The following CNTN4 variants were observed in gnomAD, a reference collection of about 807,000 sequenced individuals.
The protein encoded by CNTN4 is contactin-4.
In CNTN4, 77 loss-of-function variants were observed where a neutral mutation model predicts 122.5. The observed-to-expected ratio is 0.63, with a 90% confidence interval of 0.52 to 0.76. CNTN4 has a LOEUF of 0.76. CNTN4 is among the 30% of genes least tolerant of loss of function. CNTN4 has a pLI of 0.00. For synonymous variants in CNTN4, 512 were observed against 447.0 expected (o/e 1.15, Z -1.83); for missense variants, 1,256 against 1,259.1 (o/e 1.00, Z 0.04).
At chr3:2,733,152 G>A (rs2088821074) in intron 4 of CNTN4, among the ~76,000 whole-genome samples, 1 of 151,934 alleles carries the variant, frequency 6.6e-6, no homozygotes, top group East Asian at 1.9e-4. Context: ...ATTCTTATGT[G>A]GAATAACTAG....
rs568780575 is a variant in CNTN4, at chr3:2,850,051, G to A, written c.455-16701G>A. On this transcript the variant is annotated intron_variant, in intron 7 of 24. Coordinates refer to ENST00000418658, the MANE Select transcript of CNTN4 (RefSeq NM_175607.3). ...GTGGCCCAGACTGGAGTGCAGTGGT[G>A]CAATCTCAGCTCACTGCAAGCTCCA... is the stretch of plus-strand genomic sequence containing the variant. Among the ~76,000 whole-genome samples the A allele has an allele frequency of 1.9e-3, 282 of 150,104 alleles. 2 individuals are homozygous for A. The highest frequency in any genetic ancestry group is 3.4e-3 in the Non-Finnish European group (230 of 67,800).
intron 10 of CNTN4, among the ~76,000 whole-genome samples, chr3:2,888,857 G>C (rs989941068): frequency 6.6e-6 from 1 of 151,544 alleles, no homozygotes; most frequent in Non-Finnish European, 1.5e-5. Context: ...ATGTATATTC[G>C]GCCATTCCAC....
intron 3 of CNTN4, among the ~76,000 whole-genome samples, chr3:2,552,617 G>A (rs1185524859): frequency 6.6e-6 from 1 of 152,218 alleles, no homozygotes; most frequent in East Asian, 1.9e-4. Flanking sequence ...ATTATTCAGA[G>A]AAGTGGTAAC....
At chr3:2,457,854 C>G (rs1056173181) in intron 3 of CNTN4, among the ~76,000 whole-genome samples, 1 of 152,128 alleles carries the variant, frequency 6.6e-6, no homozygotes, top group African/African-American at 2.4e-5. Context: ...TGTTAACTGT[C>G]TTTCTCAGTT....
intron 2 of CNTN4, among the ~76,000 whole-genome samples, chr3:2,277,122 A>C (rs1056507440): frequency 2.6e-5 from 4 of 152,214 alleles, no homozygotes; most frequent in Admixed American, 2.0e-4. Context: ...TATGTGTTTT[A>C]GAACCCACAC....
chr3:2,107,442 A>G (rs1451248860), intron 2 of CNTN4, among the ~76,000 whole-genome samples: 2 of 152,148 alleles, frequency 1.3e-5, no homozygotes, highest in Non-Finnish European at 2.9e-5. Context: ...AGAGAGAGTG[A>G]ATGAGCAAAG....
intron 4 of CNTN4, among the ~76,000 whole-genome samples, chr3:2,695,108 C>G (rs1330267391): frequency 6.6e-6 from 1 of 152,164 alleles, no homozygotes; most frequent in East Asian, 1.9e-4. Context: ...CAAAAAGCAC[C>G]TGTCCTGGTG....
chr3:2,285,318 T>C (rs765093017), intron 2 of CNTN4, among the ~76,000 whole-genome samples: 2 of 152,098 alleles, frequency 1.3e-5, no homozygotes, highest in Non-Finnish European at 2.9e-5. Context: ...ACCAAAATAG[T>C]TTATCTGGTT....
At chr3:2,474,027 A>AT (rs1220076496) in intron 3 of CNTN4, among the ~76,000 whole-genome samples, 1 of 151,838 alleles carries the variant, frequency 6.6e-6, no homozygotes, top group Non-Finnish European at 1.5e-5. Flanking sequence ...AAAAAAAAAA[A>AT]ATATTGCCAA....
chr3:2,268,610 T>C (rs1341676466), intron 2 of CNTN4, among the ~76,000 whole-genome samples: 2 of 152,028 alleles, frequency 1.3e-5, no homozygotes, highest in Non-Finnish European at 2.9e-5. Context: ...GACTAGGTCC[T>C]AGTTAATGTG....
At chr3:2,622,695 G>T (rs746530879) in intron 4 of CNTN4, among the ~76,000 whole-genome samples, 9 of 152,168 alleles carry the variant, frequency 5.9e-5, no homozygotes, top group Non-Finnish European at 1.2e-4. Context: ...GACCTTTTGA[G>T]TTCTTCATAT....
intron 3 of CNTN4, among the ~76,000 whole-genome samples, chr3:2,453,563 G>A (rs758969502): frequency 3.9e-5 from 6 of 152,044 alleles, no homozygotes; most frequent in Non-Finnish European, 7.4e-5. Flanking sequence ...ATTCAATGCC[G>A]TGTTCATGAT....
chr3:2,705,843 A>AATATATAATAAAT (rs1186908312), intron 4 of CNTN4, among the ~76,000 whole-genome samples: 2 of 102,480 alleles, frequency 2.0e-5, no homozygotes, highest in African/African-American at 8.4e-5. Flanking sequence ...TATAATATAT[A>AATATATAATAAAT]ATATATAATA....
intron 6 of CNTN4, among the ~76,000 whole-genome samples, chr3:2,758,796 C>G (rs2149673274): frequency 6.6e-6 from 1 of 151,596 alleles, no homozygotes. Context: ...CGGGAGCCAC[C>G]TTGCACCTAG....
intron 2 of CNTN4, among the ~76,000 whole-genome samples, chr3:2,135,168 G>A (rs773255057): frequency 6.6e-6 from 1 of 152,286 alleles, no homozygotes; most frequent in Non-Finnish European, 1.5e-5. Flanking sequence ...AGGTAGGAGA[G>A]CATTAGAGAT....
intron 23 of CNTN4, among the ~76,000 whole-genome samples, chr3:3,048,524 G>A (rs1487071319): frequency 6.7e-6 from 1 of 150,320 alleles, no homozygotes; most frequent in African/African-American, 2.4e-5. Context: ...CTCTGTGTGT[G>A]TGTGTGTGTG....
intron 2 of CNTN4, among the ~76,000 whole-genome samples, chr3:2,243,562 G>A (rs2040023014): frequency 6.6e-6 from 1 of 151,934 alleles, no homozygotes; most frequent in Non-Finnish European, 1.5e-5. Context: ...TTTATGTATG[G>A]CCCAAGACAA....
intron 4 of CNTN4, among the ~76,000 whole-genome samples, chr3:2,642,035 A>G (rs191305685): frequency 6.6e-6 from 1 of 152,228 alleles, no homozygotes; most frequent in African/African-American, 2.4e-5. Context: ...TGTATAAATG[A>G]GAGTTTATTA....
chr3:2,797,652 T>C (rs1288656964), intron 6 of CNTN4, among the ~76,000 whole-genome samples: 1 of 152,190 alleles, frequency 6.6e-6, no homozygotes, highest in African/African-American at 2.4e-5. Context: ...GCCCAGATGT[T>C]AGATTAAACA....
Sources: gnomAD v4.1 joint callset for allele counts (sites outside exome capture counted in the v4.1 genomes callset) on GRCh38, gnomAD v4.1.1 for gene constraint, MANE v1.5 for transcripts, NCBI Gene and HGNC (gene_info 2026-07-23, HGNC 2026-07-21) for gene names.